KIAA1958: variants seen among roughly 807,000 people sequenced by gnomAD.
The protein encoded by KIAA1958 is KIAA1958.
KIAA1958 carries 14 observed loss-of-function variants against 47.2 expected under a neutral mutation model. The observed-to-expected ratio is 0.30, with a 90% CI of 0.20 to 0.46. The LOEUF (loss-of-function observed/expected upper bound fraction) is 0.46, where lower values mean the gene tolerates loss of function less well. Ranked by LOEUF, KIAA1958 falls within the 20% of genes least tolerant of loss-of-function variation. The pLI is 1.00. For missense variants in KIAA1958, 803 were observed against 909.2 expected (o/e 0.88, Z 1.50); for synonymous variants, 354 against 353.3 (o/e 1.00, Z -0.02).
In KIAA1958 at chr9:112,574,421, A is replaced by G; in HGVS notation, c.341A>G (p.Asn114Ser). The G allele has an allele frequency of 6.2e-7, 1 of 1,614,188 alleles. No individual in the cohort carries two copies. Among genetic ancestry groups the G allele is most frequent in the Non-Finnish European group, 8.5e-7 (1 of 1,180,016 alleles). ...GRPVKAKLDC[N>S]RTRDSCDFSY... ...CCAGTGAAAGCAAAGCTAGACTGTA[A>G]CCGGACCAGAGACTCTTGTGACTTC... The change falls in exon 2 of 4, where the codon AAC becomes AGC. Residue 114 changes from asparagine (N) to serine (S), a missense_variant. Physicochemically the swap from Asn to Ser is conservative, Grantham distance 46. Around this residue, in one of 2 missense-constraint regions of KIAA1958, gnomAD observed 761 missense variants for 829.3 expected, o/e 0.92. Coordinates refer to ENST00000337530, the MANE Select transcript of KIAA1958 (RefSeq NM_133465.4).
chr9:112,660,124 G>A lies in KIAA1958; in HGVS notation c.*55G>A, dbSNP rs568058278. On this transcript the variant is annotated 3_prime_UTR_variant, in exon 4 of 4. Transcript: ENST00000337530. Reference sequence around the variant, plus strand: ...TCACCTGCTCGGGCCAGCCAGGGTTGGAGCAGCTGGAGCTCCTTGGAGGCA... The same window carrying A: ...TCACCTGCTCGGGCCAGCCAGGGTTAGAGCAGCTGGAGCTCCTTGGAGGCA... The A allele has an allele frequency of 3.1e-4, 468 of 1,487,596 alleles. 1 individual carries two copies. In the African/African-American group the frequency reaches 5.7e-3, roughly 18 times the overall value. 92.1% of individuals were successfully genotyped at this position (1,487,596 alleles called of 1,614,324 possible).
At chr9:112,504,422 C>G (rs569383688) in intron 1 of KIAA1958, among the ~76,000 whole-genome samples, 4 of 152,172 alleles carry the variant, frequency 2.6e-5, no homozygotes, top group South Asian at 4.1e-4. Context: ...TTCCTGACCT[C>G]AAGTGATCCA....
chr9:112,612,102 T>C (rs1161457143), intron 2 of KIAA1958, among the ~76,000 whole-genome samples: 1 of 152,084 alleles, frequency 6.6e-6, no homozygotes, highest in Admixed American at 6.6e-5. Context: ...AATATGTAAA[T>C]AGTAGATATT....
At chr9:112,641,948 G>A (rs1254477269) in intron 2 of KIAA1958, among the ~76,000 whole-genome samples, 1 of 151,876 alleles carries the variant, frequency 6.6e-6, no homozygotes, top group Non-Finnish European at 1.5e-5. Context: ...TTTGTCTTTG[G>A]TTTTCCAGAT....
In KIAA1958 at chr9:112,539,154, A is replaced by C. The variant is rs575889978; in HGVS notation, c.-24-34903A>C. On this transcript the variant is annotated intron_variant, in intron 1 of 3. Transcript: ENST00000337530. ...AGTCTAGCATTTCCTGAAATGGTTA[A>C]ACATAGAGTTACCATATGACACAGC... Among the ~76,000 whole-genome samples, 10 of 152,366 alleles carry C rather than the reference A, an allele frequency of 6.6e-5. No homozygotes were observed. In the South Asian group the frequency reaches 2.1e-3, roughly 32 times the overall value.
chr9:112,580,008 C>T (rs746704100), intron 2 of KIAA1958, among the ~76,000 whole-genome samples: 6 of 152,170 alleles, frequency 3.9e-5, no homozygotes, highest in Non-Finnish European at 5.9e-5. Context: ...TTGACCCCTG[C>T]GTGGACCCAA....
chr9:112,556,360 G>T (rs1835242728), intron 1 of KIAA1958, among the ~76,000 whole-genome samples: 1 of 152,160 alleles, frequency 6.6e-6, no homozygotes, highest in Non-Finnish European at 1.5e-5. Flanking sequence ...GGGCACTGGG[G>T]TTCGGTTTGA....
intron 2 of KIAA1958, among the ~76,000 whole-genome samples, chr9:112,643,008 T>G (rs1407544720): frequency 6.6e-6 from 1 of 152,214 alleles, no homozygotes; most frequent in Non-Finnish European, 1.5e-5. Flanking sequence ...AAGAAATTAT[T>G]TAGCGGTTTA....
chr9:112,574,724 C>T lies in KIAA1958; in HGVS notation c.644C>T (p.Ala215Val). ...ATCCCCGAAGATTATTACATTGTGGCAAATGCAGAACTGACAGGAGGAGTA... is the reference window on the plus strand; with the variant it reads ...ATCCCCGAAGATTATTACATTGTGGTAAATGCAGAACTGACAGGAGGAGTA... ...QEIPEDYYIV[A>V]NAELTGGVDG... Residue 215 changes from alanine to valine, a missense_variant, in exon 2 of 4, where the codon GCA becomes GTA. Coordinates refer to ENST00000337530, the MANE Select transcript of KIAA1958 (RefSeq NM_133465.4). 6.2e-7 allele frequency: 1 copy of T among 1,614,156 alleles called. No individual in the cohort carries two copies. The highest frequency in any genetic ancestry group is 8.5e-7 in the Non-Finnish European group (1 of 1,180,014).
intron 1 of KIAA1958, among the ~76,000 whole-genome samples, chr9:112,501,428 G>A (rs1416097647): frequency 6.6e-6 from 1 of 152,008 alleles, no homozygotes; most frequent in Non-Finnish European, 1.5e-5. Context: ...CGGCAACAAA[G>A]CGAGATCCTG....
intron 2 of KIAA1958, among the ~76,000 whole-genome samples, chr9:112,605,624 CT>C (rs2131204296): frequency 6.6e-6 from 1 of 152,272 alleles, no homozygotes; most frequent in Non-Finnish European, 1.5e-5. Context: ...ACACAAGGCC[CT>C]GCATGACCTG....
intron 2 of KIAA1958, among the ~76,000 whole-genome samples, chr9:112,641,196 G>C (rs1232588578): frequency 6.6e-6 from 1 of 152,084 alleles, no homozygotes; most frequent in Non-Finnish European, 1.5e-5. Flanking sequence ...GATAGGGTGG[G>C]TGCTTGGATG....
intron 1 of KIAA1958, among the ~76,000 whole-genome samples, chr9:112,535,060 A>C (rs1407476046): frequency 2.6e-5 from 4 of 152,212 alleles, no homozygotes; most frequent in African/African-American, 9.6e-5. Context: ...AGGATAAATT[A>C]AACTAAGTAA....
chr9:112,626,204 C>T (rs142506502), intron 2 of KIAA1958, among the ~76,000 whole-genome samples: 3 of 152,250 alleles, frequency 2.0e-5, no homozygotes, highest in African/African-American at 7.2e-5. Flanking sequence ...GAAATTCAAA[C>T]TTACTTAAAT....
intron 2 of KIAA1958, among the ~76,000 whole-genome samples, chr9:112,589,679 A>G (rs1433631909): frequency 6.6e-6 from 1 of 152,220 alleles, no homozygotes; most frequent in African/African-American, 2.4e-5. Flanking sequence ...AGGATGGGAT[A>G]TGTTGTGAAA....
intron 1 of KIAA1958, among the ~76,000 whole-genome samples, chr9:112,552,289 A>G (rs923853861): frequency 6.6e-6 from 1 of 152,264 alleles, no homozygotes; most frequent in African/African-American, 2.4e-5. Context: ...TTAAGTTGCC[A>G]TAATTTAAAC....
intron 2 of KIAA1958, among the ~76,000 whole-genome samples, chr9:112,601,255 ACCAGTCAGT>A (rs1305953536): frequency 6.6e-6 from 1 of 152,226 alleles, no homozygotes; most frequent in East Asian, 1.9e-4. Flanking sequence ...TAATAATAGG[ACCAGTCAGT>A]CCAGCATGAT....
At position 112,661,867 on chromosome 9, in the gene KIAA1958, A is replaced by G. The variant is rs1459212550; in HGVS notation, c.*1798A>G. 1 of 152,246 alleles carries G rather than the reference A, an allele frequency of 6.6e-6. No individual in the cohort carries two copies. The highest frequency in any genetic ancestry group is 1.5e-5 in the Non-Finnish European group (1 of 68,056). 9.4% of individuals were successfully genotyped at this position (152,246 alleles called of 1,614,324 possible). On this transcript the variant is annotated 3_prime_UTR_variant, in exon 4 of 4. Transcript: ENST00000337530. The stretch of plus-strand genomic sequence containing the variant: ...GGGTTTTGATTTAAAAGAAATACAC[A>G]AAACATTAGGTACAATTTCCTTTAG...
intron 1 of KIAA1958, among the ~76,000 whole-genome samples, chr9:112,511,174 G>A (rs1046020901): frequency 7.2e-5 from 11 of 152,124 alleles, no homozygotes; most frequent in African/African-American, 2.7e-4. Flanking sequence ...GAGTAAATAT[G>A]GATTTGAGCA....
Sources: allele counts gnomAD v4.1 joint callset (sites outside exome capture counted in the v4.1 genomes callset), GRCh38; gene constraint gnomAD v4.1.1; regional missense constraint gnomAD v4.1.1; transcripts MANE v1.5; gene names NCBI Gene and HGNC (gene_info 2026-07-23, HGNC 2026-07-21).